PICK1: variants seen among roughly 807,000 people sequenced by gnomAD.
PICK1 encodes the protein PRKCA-binding protein.
Under a neutral mutation model 48.9 loss-of-function variants are expected in PICK1, and 23 were observed. The observed-to-expected ratio is 0.47, with a 90% CI of 0.34 to 0.67. The LOEUF (loss-of-function observed/expected upper bound fraction) is 0.67. PICK1 is among the 30% of genes least tolerant of loss of function. PICK1 has a pLI of 0.01. For missense variants in PICK1, 423 were observed against 557.1 expected, an observed-to-expected ratio of 0.76 and a Z score of 2.42; for synonymous variants, 217 against 228.2, an observed-to-expected ratio of 0.95 and a Z score of 0.44.
Position 38,065,026 on chromosome 22 carries a change from T to C in PICK1, c.178T>C (p.Leu60=), listed in dbSNP as rs2085491486. Residue 60 remains leucine, a synonymous_variant, in exon 4 of 13, where the codon TTG becomes CTG. Transcript: ENST00000356976. The part of the protein sequence containing the change: ...VQVFDNTPAA[L]DGTVAAGDEI... Reference sequence around the variant, plus strand: ...GGTATTTGACAACACCCCAGCAGCCTTGGACGGCACAGTGGCAGCTGGCGA... The same window carrying C: ...GGTATTTGACAACACCCCAGCAGCCCTGGACGGCACAGTGGCAGCTGGCGA... 4 of 1,614,100 alleles carry C rather than the reference T, an allele frequency of 2.5e-6. No individual in the cohort carries two copies. The highest frequency in any genetic ancestry group is 3.4e-6 in the Non-Finnish European group (4 of 1,179,996).
In PICK1 at chr22:38,074,691, C is replaced by T. The variant is rs1335648579; in HGVS notation, c.980-173C>T. ...TCCCTGAACTGGGAGCGGGGAGGCC[C>T]CGGGCTGGGCGGCCCCTGCCTCCGC... On this transcript the variant is annotated intron_variant, in intron 12 of 12. Coordinates refer to ENST00000356976, the MANE Select transcript of PICK1 (RefSeq NM_012407.4). The surrounding 1 kb of genome is among the most constrained non-coding windows in gnomAD (Gnocchi z 4.5). Among the ~76,000 whole-genome samples, 2 of 152,306 alleles carry T rather than the reference C, an allele frequency of 1.3e-5. No individual in the cohort carries two copies. Among genetic ancestry groups the T allele is most frequent in the Middle Eastern group, 3.4e-3 (1 of 294 alleles).
At position 38,075,318 on chromosome 22, in the gene PICK1, C is replaced by G. The variant is rs1386343440; in HGVS notation, c.*186C>G. On this transcript the variant is annotated 3_prime_UTR_variant, in exon 13 of 13. Transcript: ENST00000356976. ...CCAGGACAGGCACCAGGGTCATGGCCTGGGACCTGGACACTGGCCCCTCCA... is the reference window on the plus strand; with the variant it reads ...CCAGGACAGGCACCAGGGTCATGGCGTGGGACCTGGACACTGGCCCCTCCA... 1 of 617,844 alleles carries G rather than the reference C, an allele frequency of 1.6e-6. No homozygotes were observed. The allele number at this position is 617,844 out of a possible 1,614,324, so 38.3% of individuals were successfully genotyped here.
chr22:38,065,174 G>A lies in PICK1; in HGVS notation c.282+44G>A, dbSNP rs1444667440. ...CAGGTGTCCAGAGGCAGCAACACAT[G>A]TTTCTGAGACCTCCAGGCTGCCAGA... On this transcript the variant is annotated intron_variant, in intron 4 of 12. Transcript: ENST00000356976. 3 of 1,594,054 alleles carry A rather than the reference G, an allele frequency of 1.9e-6. No individual in the cohort carries two copies. The Admixed American group carries it at 5.3e-5, about 28-fold the overall frequency.
At chr22:38,061,070 G>T (rs906053600) in intron 3 of PICK1, among the ~76,000 whole-genome samples, 1 of 151,886 alleles carries the variant, frequency 6.6e-6, no homozygotes, top group Non-Finnish European at 1.5e-5. Flanking sequence ...GGCCGGGTGC[G>T]GTGGCTCACA....
intron 3 of PICK1, among the ~76,000 whole-genome samples, chr22:38,061,234 G>A (rs950661248): frequency 3.9e-5 from 6 of 152,032 alleles, no homozygotes; most frequent in African/African-American, 1.4e-4. Context: ...CCAGCTACTT[G>A]GGAGGCTGAG....
At chr22:38,061,343 AAAT>A (rs6147619) in intron 3 of PICK1, among the ~76,000 whole-genome samples, 5 of 148,756 alleles carry the variant, frequency 3.4e-5, no homozygotes, top group Non-Finnish European at 7.4e-5. Flanking sequence ...TCCGTCTCAA[AAAT>A]AATAATAATC....
chr22:38,065,750 C>G (rs758940267), intron 4 of PICK1, among the ~76,000 whole-genome samples: 1 of 152,234 alleles, frequency 6.6e-6, no homozygotes, highest in Non-Finnish European at 1.5e-5. Context: ...TCTCCTGAAG[C>G]GAGCATGCAG....
Position 38,074,039 on chromosome 22 carries a change from G to A in PICK1, c.834+216G>A. ...CCTCAGTCTGGGGGACTCTTGGAGG[G>A]AAATCGGATTTTCTTCACTCCTATG... On this transcript the variant is annotated intron_variant, in intron 11 of 12. Transcript: ENST00000356976. The surrounding 1 kb of genome is among the most constrained non-coding windows in gnomAD (Gnocchi z 4.5). The A allele has an allele frequency of 1.6e-6, 1 of 635,950 alleles. No individual in the cohort carries two copies. 39.4% of individuals were successfully genotyped at this position (635,950 alleles called of 1,614,324 possible).
chr22:38,073,180 G>T lies in PICK1; in HGVS notation c.783+88G>T. ...CAGTCAGCCATGCTGCGGCCAGCGA[G>T]GCCAGCCAGAGCTGACAGCATGTCT... On this transcript the variant is annotated intron_variant, in intron 10 of 12. Transcript: ENST00000356976. The surrounding 1 kb of genome is among the most constrained non-coding windows in gnomAD (Gnocchi z 5.7). The T allele has an allele frequency of 1.1e-6, 1 of 913,534 alleles. No homozygotes were observed. The highest frequency in any genetic ancestry group is 1.8e-6 in the Non-Finnish European group (1 of 546,812). 56.6% of individuals were successfully genotyped at this position (913,534 alleles called of 1,614,324 possible). A position where few individuals can be genotyped will look rare whatever the true frequency, so the allele number is the denominator to read the frequency against.
At position 38,066,537 on chromosome 22, in the gene PICK1, A is replaced by G. The variant is rs775568177; in HGVS notation, c.283-1167A>G. ...TTACTCTCCCATCTTACAGGTGTCC[A>G]CAGGCGGGGAGTGACCTGCTTGTGG... On this transcript the variant is annotated intron_variant, in intron 4 of 12. Transcript: ENST00000356976. This position sits in a 1 kb window ranked among gnomAD's most constrained non-coding sequence, Gnocchi z 4.1. Among the ~76,000 whole-genome samples, 20 of 152,296 alleles carry G rather than the reference A, an allele frequency of 1.3e-4. No homozygotes were observed. Among genetic ancestry groups the G allele is most frequent in the Non-Finnish European group, 2.4e-4 (16 of 68,002 alleles).
At position 38,074,775 on chromosome 22, in the gene PICK1, A is replaced by C; in HGVS notation, c.980-89A>C. ...CCGAGTGGGAAGCCCAGGGGAGGCG[A>C]GAGGTGGGCCGGGTGGGCTGGGAGA... On this transcript the variant is annotated intron_variant, in intron 12 of 12. Coordinates refer to ENST00000356976, the MANE Select transcript of PICK1 (RefSeq NM_012407.4). The surrounding 1 kb of genome is among the most constrained non-coding windows in gnomAD (Gnocchi z 4.5). The C allele has an allele frequency of 6.6e-7, 1 of 1,512,968 alleles. No individual in the cohort carries two copies. Among genetic ancestry groups the C allele is most frequent in the Non-Finnish European group, 9.0e-7 (1 of 1,112,506 alleles). 93.7% of individuals were successfully genotyped at this position (1,512,968 alleles called of 1,614,324 possible).
At chr22:38,071,089 G>A (rs2085671403) in intron 7 of PICK1, among the ~76,000 whole-genome samples, 198 bp downstream of exon 7, 1 of 152,216 alleles carries the variant, frequency 6.6e-6, no homozygotes, top group African/African-American at 2.4e-5. Flanking sequence ...GCTCACGCCT[G>A]TAATCCCAGC....
At position 38,066,216 on chromosome 22, in the gene PICK1, G is replaced by A. The variant is rs1336274954; in HGVS notation, c.282+1086G>A. On this transcript the variant is annotated intron_variant, in intron 4 of 12. Coordinates refer to ENST00000356976, the MANE Select transcript of PICK1 (RefSeq NM_012407.4). This position sits in a 1 kb window ranked among gnomAD's most constrained non-coding sequence, Gnocchi z 4.1. ...TGAGACCCCACAGCTGCCACTCCAC[G>A]TGGTCTGGGTATCACTGCCTCAGGT... 1.3e-5 allele frequency among the ~76,000 whole-genome samples: 2 copies of A among 152,200 alleles called. No individual in the cohort carries two copies. Among genetic ancestry groups the A allele is most frequent in the African/African-American group, 2.4e-5 (1 of 41,450 alleles).
intron 4 of PICK1, among the ~76,000 whole-genome samples, chr22:38,065,686 G>A (rs561792066): frequency 4.7e-4 from 71 of 152,128 alleles, no homozygotes; most frequent in African/African-American, 1.7e-3. Flanking sequence ...TGCCTGCCCC[G>A]CTTTCCCCCA....
chr22:38,067,733 G>T lies in PICK1; in HGVS notation c.312G>T (p.Leu104=). 6.2e-7 allele frequency: 1 copy of T among 1,614,026 alleles called. No individual in the cohort carries two copies. The highest frequency in any genetic ancestry group is 8.5e-7 in the Non-Finnish European group (1 of 1,179,900). Residue 104 remains leucine, a synonymous_variant, in exon 5 of 13, where the codon CTG becomes CTT. Coordinates refer to ENST00000356976, the MANE Select transcript of PICK1 (RefSeq NM_012407.4). ...AGGTGACCATCCACTACAACAAGCT[G>T]CAGGCGGACCCCAAGCAGGGCATGT... ...KGEVTIHYNK[L]QADPKQGMSL...
At chr22:38,057,731 C>A in intron 1 of PICK1, 22 bp from the exon 2 acceptor site, 1 of 1,320,624 alleles carries the variant, frequency 7.6e-7, no homozygotes, top group Non-Finnish European at 1.1e-6. Flanking sequence ...AAATCCTATG[C>A]TCCTTTCTCT....
rs747734248 is a variant in PICK1, at chr22:38,073,819, G to A, written c.830G>A (p.Cys277Tyr). The change falls in exon 11 of 13, where the codon TGC becomes TAC. Residue 277 changes from cysteine (C) to tyrosine (Y), a missense_variant. Physicochemically the swap from Cys to Tyr is radical, Grantham distance 194. Transcript: ENST00000356976. This position sits in a 1 kb window ranked among gnomAD's most constrained non-coding sequence, Gnocchi z 5.7. ...VKEMDDEEYSCIALGEPLYRV... is the reference protein window; with the variant it reads ...VKEMDDEEYSYIALGEPLYRV... The stretch of plus-strand genomic sequence containing the variant: ...GAGATGGATGACGAGGAATACAGCT[G>A]CATTGTGAGTGTTGGAGGGGGTGGG... 29 of 1,613,400 alleles carry A rather than the reference G, an allele frequency of 1.8e-5. No homozygotes were observed. The highest frequency in any genetic ancestry group is 2.5e-5 in the Non-Finnish European group (29 of 1,179,848).
Position 38,074,595 on chromosome 22 carries a change from T to TGGAGCTGGCCTGTGC in PICK1, c.979+146_979+160dup. ...CCATCTGCCCAGAGCCTGGCCTGGG[T>TGGAGCTGGCCTGTGC]GGAGCTGGCCTGTGCGCGTGGGCTC... On this transcript the variant is annotated intron_variant, in intron 12 of 12. Coordinates refer to ENST00000356976, the MANE Select transcript of PICK1 (RefSeq NM_012407.4). This position sits in a 1 kb window ranked among gnomAD's most constrained non-coding sequence, Gnocchi z 4.5. 8.1e-7 allele frequency: 1 copy of TGGAGCTGGCCTGTGC among 1,234,494 alleles called. No individual in the cohort carries two copies. Among genetic ancestry groups the TGGAGCTGGCCTGTGC allele is most frequent in the Non-Finnish European group, 1.2e-6 (1 of 861,676 alleles). 76.5% of individuals were successfully genotyped at this position (1,234,494 alleles called of 1,614,324 possible).
At chr22:38,068,056 G>C (rs2085575056) in intron 5 of PICK1, 1 of 558,588 alleles carries the variant, frequency 1.8e-6, no homozygotes, top group South Asian at 1.5e-5. Flanking sequence ...TGCTACCCTA[G>C]GGTTGTCCTT....
Sources: allele counts gnomAD v4.1 joint callset (sites outside exome capture counted in the v4.1 genomes callset), GRCh38; gene constraint gnomAD v4.1.1; non-coding constraint Gnocchi (gnomAD v3.1); transcripts MANE v1.5; gene names NCBI Gene and HGNC (gene_info 2026-07-23, HGNC 2026-07-21).